SALL3: variants seen among roughly 807,000 people sequenced by gnomAD.
SALL3 encodes spalt like transcription factor 3, also known as sal-like protein 3.
In SALL3, 25 loss-of-function variants were observed where a neutral mutation model predicts 66.2. The ratio of observed to expected loss-of-function variants is 0.38; its 90% CI spans 0.28 to 0.53. SALL3 has a LOEUF of 0.53. Among genes scored for constraint, SALL3 ranks in the 20% least tolerant of loss-of-function variants. SALL3 has a pLI of 0.85. For synonymous variants in SALL3, 1,152 were observed against 899.1 expected (o/e 1.28, Z -5.03); for missense variants, 2,194 against 1,916.5 (o/e 1.14, Z -2.70).
chr18:78,992,634 CAGCAGATCCACCAGCTGCAGCTCATCG>C lies in SALL3; in HGVS notation c.653_679del (p.His218_Ile226del). ...GGAACAGCTCATGGCCCTGCAGCAG[CAGCAGATCCACCAGCTGCAGCTCATCG>C]AGCAGATCCGCAGCCAGGTGGCCCT... is the stretch of plus-strand genomic sequence containing the variant. On this transcript the variant is annotated inframe_deletion, in exon 2 of 3. Transcript: ENST00000537592. The C allele has an allele frequency of 6.4e-7, 1 of 1,550,808 alleles. No individual in the cohort carries two copies. Among genetic ancestry groups the C allele is most frequent in the Admixed American group, 1.7e-5 (1 of 57,282 alleles).
intron 1 of SALL3, chr18:78,991,851 A>T: frequency 4.7e-6 from 2 of 421,586 alleles, no homozygotes; most frequent in Non-Finnish European, 8.3e-6. Flanking sequence ...GAATTTCATT[A>T]AGAAGCAGGA....
In SALL3 at chr18:78,997,559, T is replaced by C. The variant is rs1914743075; in HGVS notation, c.*237T>C. The C allele has an allele frequency of 3.7e-6, 2 of 535,732 alleles. No homozygotes were observed. Among genetic ancestry groups the C allele is most frequent in the Non-Finnish European group, 6.5e-6 (2 of 305,458 alleles). The allele number at this position is 535,732 out of a possible 1,614,324, so 33.2% of individuals were successfully genotyped here. A position where few individuals can be genotyped will look rare whatever the true frequency, so the allele number is the denominator to read the frequency against. ...AGCTTCCTTCAAAAAAAAAAGTGCT[T>C]GGAAAACCGCCTTAGGAACAGAAAG... On this transcript the variant is annotated 3_prime_UTR_variant, in exon 3 of 3. Transcript: ENST00000537592.
Position 78,993,822 on chromosome 18 carries a change from G to A in SALL3, c.1831G>A (p.Ala611Thr), listed in dbSNP as rs1184749893. 4.5e-6 allele frequency: 7 copies of A among 1,550,862 alleles called. No homozygotes were observed. The highest frequency in any genetic ancestry group is 3.3e-4 in the Middle Eastern group (2 of 5,974). Residue 611 changes from alanine to threonine, a missense_variant, in exon 2 of 3, where the codon GCT (alanine) becomes ACT (threonine). Physicochemically the swap from Ala to Thr is moderately conservative, Grantham distance 58 (BLOSUM62 0). Coordinates refer to ENST00000537592, the MANE Select transcript of SALL3 (RefSeq NM_171999.4). ...CTGCACCAACGCCAGGGCCGGGGACGCTCCCGTGGGCGCGCAGGCTAGCGC... is the reference window on the plus strand; with the variant it reads ...CTGCACCAACGCCAGGGCCGGGGACACTCCCGTGGGCGCGCAGGCTAGCGC... ...LPCTNARAGD[A>T]PVGAQASAAP...
chr18:78,998,303 A>G lies in SALL3; in HGVS notation c.*981A>G, dbSNP rs1732091151. 6.6e-6 allele frequency: 1 copy of G among 152,210 alleles called. No homozygotes were observed. Among genetic ancestry groups the G allele is most frequent in the African/African-American group, 2.4e-5 (1 of 41,452 alleles). 9.4% of individuals were successfully genotyped at this position (152,210 alleles called of 1,614,324 possible). ...ATAATTTGAAAATTTAAAAAAATGT[A>G]AAGTATTTTATAAATAGTACTTCAG... On this transcript the variant is annotated 3_prime_UTR_variant, in exon 3 of 3. Coordinates refer to ENST00000537592, the MANE Select transcript of SALL3 (RefSeq NM_171999.4).
At position 78,992,231 on chromosome 18, in the gene SALL3, G is replaced by C. The variant is rs774918281; in HGVS notation, c.240G>C (p.Leu80=). The C allele has an allele frequency of 1.2e-6, 2 of 1,602,274 alleles. No individual in the cohort carries two copies. The highest frequency in any genetic ancestry group is 2.3e-5 in the East Asian group (1 of 43,998). The part of the protein sequence containing the change: ...QRSCTKLPPV[L]IVHEDAPAPP... ...GCTGCACCAAGCTCCCGCCCGTGCT[G>C]ATCGTGCACGAGGACGCGCCCGCGC... Residue 80 remains leucine (L), a synonymous_variant, in exon 2 of 3, where the codon CTG becomes CTC. Coordinates refer to ENST00000537592, the MANE Select transcript of SALL3 (RefSeq NM_171999.4).
Position 78,980,327 on chromosome 18 carries a change from T to C in SALL3, c.53T>C (p.Leu18Pro). 1 of 1,440,932 alleles carries C rather than the reference T, an allele frequency of 6.9e-7. No individual in the cohort carries two copies. The highest frequency in any genetic ancestry group is 9.2e-7 in the Non-Finnish European group (1 of 1,091,438). The allele number at this position is 1,440,932 out of a possible 1,614,324, so 89.3% of individuals were successfully genotyped here. The change falls in exon 1 of 3, where the codon CTG (leucine) becomes CCG (proline). Residue 18 changes from leucine to proline, a missense_variant. Physicochemically the swap from Leu to Pro is moderately conservative, Grantham distance 98. Coordinates refer to ENST00000537592, the MANE Select transcript of SALL3 (RefSeq NM_171999.4). ...CAGCACCTCAAGTCGGACGAGGAGC[T>C]GCTGCCGCCTGACGGGGCTCCCGAG... Reference protein sequence around the residue: ...KPQHLKSDEELLPPDGAPEHA... With the variant: ...KPQHLKSDEEPLPPDGAPEHA...
chr18:78,992,109 G>C lies in SALL3; in HGVS notation c.118G>C (p.Gly40Arg), dbSNP rs759085561. 4 of 1,585,522 alleles carry C rather than the reference G, an allele frequency of 2.5e-6. No homozygotes were observed. Among genetic ancestry groups the C allele is most frequent in the South Asian group, 1.2e-5 (1 of 86,880 alleles). Reference protein sequence around the residue: ...PGEGAEDADSGPESRSGGEET... With the variant: ...PGEGAEDADSRPESRSGGEET... ...GGAAGGTGCGGAGGACGCAGACAGCGGGCCCGAGAGCCGCAGCGGGGGCGA... is the reference window on the plus strand; with the variant it reads ...GGAAGGTGCGGAGGACGCAGACAGCCGGCCCGAGAGCCGCAGCGGGGGCGA... The change falls in exon 2 of 3, where the codon GGG (glycine) becomes CGG (arginine). Residue 40 changes from glycine to arginine, a missense_variant. Gly to Arg is a moderately radical substitution (Grantham distance 125). Transcript: ENST00000537592.
chr18:78,994,534 A>T lies in SALL3; in HGVS notation c.2543A>T (p.Lys848Met). The T allele has an allele frequency of 6.2e-7, 1 of 1,611,234 alleles. No individual in the cohort carries two copies. Among genetic ancestry groups the T allele is most frequent in the Non-Finnish European group, 8.5e-7 (1 of 1,179,480 alleles). ...ATTGCCGCCCTGGAGAACCAGATGA[A>T]GATGATCGACTCGGTCATGAGCTGC... ...SSIAALENQM[K>M]MIDSVMSCQQ... is the part of the protein sequence containing the mutation. Residue 848 changes from lysine to methionine, a missense_variant, in exon 2 of 3, where the codon AAG becomes ATG. Lys to Met is a moderately conservative substitution (Grantham distance 95). Transcript: ENST00000537592.
intron 1 of SALL3, among the ~76,000 whole-genome samples, chr18:78,981,486 A>G (rs1347475305): frequency 6.6e-6 from 1 of 152,252 alleles, no homozygotes; most frequent in Non-Finnish European, 1.5e-5. Context: ...CGAAAAGGAA[A>G]CGGGGCGGAA....
At position 78,994,673 on chromosome 18, in the gene SALL3, C is replaced by A. The variant is rs780726307; in HGVS notation, c.2682C>A (p.Pro894=). ...GDLESRSAGS[P]ALSESSSSQA... Reference sequence around the variant, plus strand: ...TGGAGAGCCGCAGCGCGGGCAGCCCCGCCCTGTCCGAGTCCTCGTCCTCGC... The same window carrying A: ...TGGAGAGCCGCAGCGCGGGCAGCCCAGCCCTGTCCGAGTCCTCGTCCTCGC... The change falls in exon 2 of 3, where the codon CCC becomes CCA. Residue 894 remains proline, a synonymous_variant. Transcript: ENST00000537592. 1 of 1,608,824 alleles carries A rather than the reference C, an allele frequency of 6.2e-7. No homozygotes were observed. The highest frequency in any genetic ancestry group is 1.7e-5 in the Admixed American group (1 of 59,950).
rs778911524 is a variant in SALL3 at position 78,993,803 on chromosome 18, C to T, written c.1812C>T (p.Thr604=). The change falls in exon 2 of 3, where the codon ACC becomes ACT. Residue 604 remains threonine, a synonymous_variant. Transcript: ENST00000537592. The part of the protein sequence containing the change: ...TKAEPVSLPC[T]NARAGDAPVG... ...CCGAGCCCGTCAGCCTGCCCTGCAC[C>T]AACGCCAGGGCCGGGGACGCTCCCG... 3.2e-6 allele frequency: 5 copies of T among 1,554,316 alleles called. No individual in the cohort carries two copies. In the African/African-American group the frequency reaches 6.8e-5, roughly 21 times the overall value.
chr18:78,996,847 G>C, intron 2 of SALL3, 44 bp from the exon 3 acceptor site: 1 of 1,545,588 alleles, frequency 6.5e-7, no homozygotes, highest in Non-Finnish European at 8.8e-7. Context: ...CTCTGCCTCC[G>C]TGTCTAGGCA....
intron 1 of SALL3, among the ~76,000 whole-genome samples, chr18:78,990,682 T>G (rs918461386): frequency 2.0e-5 from 3 of 152,224 alleles, no homozygotes; most frequent in African/African-American, 7.2e-5. Flanking sequence ...GATGTTTTGT[T>G]CTCACACTCA....
In SALL3 at chr18:78,997,399, C is replaced by G. The variant is rs1339136751; in HGVS notation, c.*77C>G. On this transcript the variant is annotated 3_prime_UTR_variant, in exon 3 of 3. Transcript: ENST00000537592. The stretch of plus-strand genomic sequence containing the variant: ...ATCAGGCCTCCGACCTTTCTTGCCT[C>G]GGTTCTCATTACACTTTCACCCATA... The G allele has an allele frequency of 2.8e-6, 4 of 1,422,878 alleles. No individual in the cohort carries two copies. The South Asian group carries it at 3.8e-5, about 13-fold the overall frequency. The allele number at this position is 1,422,878 out of a possible 1,614,324, so 88.1% of individuals were successfully genotyped here. A position where few individuals can be genotyped will look rare whatever the true frequency, so the allele number is the denominator to read the frequency against.
chr18:78,995,479 C>T lies in SALL3; in HGVS notation c.3471+17C>T. The T allele has an allele frequency of 6.6e-7, 1 of 1,518,376 alleles. No homozygotes were observed. The allele number at this position is 1,518,376 out of a possible 1,614,324, so 94.1% of individuals were successfully genotyped here. On this transcript the variant is annotated intron_variant, in intron 2 of 2. Coordinates refer to ENST00000537592, the MANE Select transcript of SALL3 (RefSeq NM_171999.4). ...AACCTCAAGGTAAGAGCATGGCAGG[C>T]TCCAGCCCCGGCTGCGGTGCGGCCG...
At chr18:78,983,760 G>A (rs1046454668) in intron 1 of SALL3, among the ~76,000 whole-genome samples, 4 of 152,200 alleles carry the variant, frequency 2.6e-5, no homozygotes, top group Non-Finnish European at 5.9e-5. Flanking sequence ...AAGGAACAAT[G>A]CAGGAGCTAC....
At chr18:78,981,346 G>T (rs1047108693) in intron 1 of SALL3, among the ~76,000 whole-genome samples, 3 of 152,212 alleles carry the variant, frequency 2.0e-5, no homozygotes. Context: ...ACGACCCCGA[G>T]CCCGCAGCAC....
At chr18:78,985,992 T>A (rs1173239533) in intron 1 of SALL3, among the ~76,000 whole-genome samples, 1 of 152,244 alleles carries the variant, frequency 6.6e-6, no homozygotes, top group Non-Finnish European at 1.5e-5. Context: ...CTGCGTATTT[T>A]TCATTAGGCA....
rs766342526 is a variant in SALL3 at position 78,996,969 on chromosome 18, C to T, written c.3550C>T (p.Leu1184Phe). 1.4e-5 allele frequency: 23 copies of T among 1,613,782 alleles called. No individual in the cohort carries two copies. Among genetic ancestry groups the T allele is most frequent in the Non-Finnish European group, 1.8e-5 (21 of 1,180,002 alleles). Residue 1184 changes from leucine to phenylalanine, a missense_variant, in exon 3 of 3, where the codon CTC (leucine) becomes TTC (phenylalanine). Physicochemically the swap from Leu to Phe is conservative, Grantham distance 22. Coordinates refer to ENST00000537592, the MANE Select transcript of SALL3 (RefSeq NM_171999.4). ...CCTGTCTGTGGAGAACCCCATGGCTCTCCTAGGGGGTGATGCCCTGAAGTT... is the reference window on the plus strand; with the variant it reads ...CCTGTCTGTGGAGAACCCCATGGCTTTCCTAGGGGGTGATGCCCTGAAGTT... ...RRLSVENPMA[L>F]LGGDALKFSE...
Sources: gnomAD v4.1 joint callset for allele counts (sites outside exome capture counted in the v4.1 genomes callset) on GRCh38, gnomAD v4.1.1 for gene constraint, MANE v1.5 for transcripts, NCBI Gene and HGNC (gene_info 2026-07-23, HGNC 2026-07-21) for gene names.